CRACD: variants seen among roughly 807,000 people sequenced by gnomAD.
The protein encoded by CRACD is capping protein inhibiting regulator of actin dynamics.
A neutral mutation model predicts 106.8 loss-of-function variants in CRACD; 56 were observed. The observed-to-expected ratio is 0.52, with a 90% CI of 0.42 to 0.66. The LOEUF is 0.66. Among genes scored for constraint, CRACD ranks in the 30% least tolerant of loss-of-function variants. The pLI is 0.00. For synonymous variants in CRACD, 754 were observed against 670.8 expected (o/e 1.12, Z -1.92); for missense variants, 1,730 against 1,623.2 (o/e 1.07, Z -1.13).
chr4:56,173,827 C>T (rs556892372), intron 1 of CRACD, among the ~76,000 whole-genome samples: 1 of 152,296 alleles, frequency 6.6e-6, no homozygotes, highest in South Asian at 2.1e-4. Context: ...GTACGTTTTA[C>T]ATTCCTACCA....
intron 3 of CRACD, among the ~76,000 whole-genome samples, chr4:56,283,166 A>G (rs1429868401): frequency 6.6e-6 from 1 of 152,144 alleles, no homozygotes; most frequent in Non-Finnish European, 1.5e-5. Flanking sequence ...TCCCAGGACC[A>G]TGGGGTGTGA....
intron 1 of CRACD, among the ~76,000 whole-genome samples, chr4:56,121,206 A>G (rs1240459089): frequency 6.6e-6 from 1 of 152,228 alleles, no homozygotes. Flanking sequence ...ATAAATTTCA[A>G]TTGTAAAGAT....
intron 2 of CRACD, among the ~76,000 whole-genome samples, chr4:56,196,690 C>G (rs1448264678): frequency 6.6e-6 from 1 of 152,120 alleles, no homozygotes; most frequent in Non-Finnish European, 1.5e-5. Context: ...TACTATAATT[C>G]TATCATGCTT....
intron 2 of CRACD, among the ~76,000 whole-genome samples, chr4:56,199,043 T>G (rs1737752269): frequency 6.6e-6 from 1 of 152,124 alleles, no homozygotes; most frequent in Admixed American, 6.5e-5. Context: ...AGTGGCATTT[T>G]GGGGGCAGTC....
intron 1 of CRACD, among the ~76,000 whole-genome samples, chr4:56,107,613 G>T (rs1005885995): frequency 2.0e-5 from 3 of 152,162 alleles, no homozygotes; most frequent in South Asian, 4.1e-4. Flanking sequence ...CTACCCCATG[G>T]AGTGGCAATG....
chr4:56,183,793 A>G (rs1412974633), intron 2 of CRACD, among the ~76,000 whole-genome samples: 1 of 152,188 alleles, frequency 6.6e-6, no homozygotes, highest in Non-Finnish European at 1.5e-5. Context: ...TGACTGTGCC[A>G]TGTGGAAGTG....
At chr4:56,153,624 T>A (rs1183863203) in intron 1 of CRACD, among the ~76,000 whole-genome samples, 1 of 152,192 alleles carries the variant, frequency 6.6e-6, no homozygotes, top group Non-Finnish European at 1.5e-5. Context: ...GCATGTCACG[T>A]CCTTGCTTAA....
intron 2 of CRACD, among the ~76,000 whole-genome samples, chr4:56,254,745 G>C (rs1031621956): frequency 4.0e-5 from 6 of 151,742 alleles, no homozygotes; most frequent in African/African-American, 1.5e-4. Context: ...CATGGTTTGA[G>C]AATTTGACTT....
rs368631356 is a variant in CRACD, at chr4:56,315,366, C to T, written c.1864C>T (p.Leu622=). 137 of 1,613,610 alleles carry T rather than the reference C, an allele frequency of 8.5e-5. No homozygotes were observed. The African/African-American group carries it at 1.7e-3, about 20-fold the overall frequency. Residue 622 remains leucine, a synonymous_variant, in exon 8 of 11, where the codon CTG becomes TTG. Coordinates refer to ENST00000682029, the MANE Select transcript of CRACD (RefSeq NM_001393381.1). This position sits in a 1 kb window ranked among gnomAD's most constrained non-coding sequence, Gnocchi z 4.1. ...CAAGGACACCGCGTGCAAGTCCCTC[C>T]TGGGCTTGGAGGAGAAGAAGCACGC... The part of the protein sequence containing the change: ...QIKDTACKSL[L]GLEEKKHAEA...
intron 8 of CRACD, among the ~76,000 whole-genome samples, chr4:56,319,868 G>A (rs973467767): frequency 4.1e-4 from 62 of 152,014 alleles, no homozygotes; most frequent in Non-Finnish European, 7.2e-4. Context: ...TAATCCCCAT[G>A]TGCTTGTACT....
At chr4:56,096,024 G>C (rs1014033252) in intron 1 of CRACD, among the ~76,000 whole-genome samples, 4 of 152,200 alleles carry the variant, frequency 2.6e-5, no homozygotes, top group Non-Finnish European at 5.9e-5. Flanking sequence ...CTATTAGAAG[G>C]GTGGAGTTGG....
intron 2 of CRACD, among the ~76,000 whole-genome samples, chr4:56,237,217 A>G (rs972674084): frequency 2.0e-5 from 3 of 152,192 alleles, no homozygotes; most frequent in Non-Finnish European, 4.4e-5. Context: ...AGGGATATCT[A>G]TGATATATAT....
intron 2 of CRACD, among the ~76,000 whole-genome samples, chr4:56,209,317 T>C (rs1406065903): frequency 6.6e-6 from 1 of 152,152 alleles, no homozygotes; most frequent in Admixed American, 6.6e-5. Flanking sequence ...AACTTCAAAC[T>C]GGACAAACTT....
At position 56,190,088 on chromosome 4, in the gene CRACD, C is replaced by T. The variant is rs576670955; in HGVS notation, c.-189+10658C>T. On this transcript the variant is annotated intron_variant, in intron 2 of 10. Transcript: ENST00000682029. ...TGTGGTGTTTGGTTTTTTGTTCTTGCGATAGTTTGCTGAGAATGATGATTT... is the reference window on the plus strand; with the variant it reads ...TGTGGTGTTTGGTTTTTTGTTCTTGTGATAGTTTGCTGAGAATGATGATTT... Among the ~76,000 whole-genome samples the T allele has an allele frequency of 4.7e-5, 7 of 149,910 alleles. No homozygotes were observed. The East Asian group carries it at 1.0e-3, about 22-fold the overall frequency.
At chr4:56,262,825 A>G (rs181088770) in intron 2 of CRACD, among the ~76,000 whole-genome samples, 1 of 152,362 alleles carries the variant, frequency 6.6e-6, no homozygotes, top group East Asian at 1.9e-4. Flanking sequence ...TAATGTGAAT[A>G]CTGATGTTTT....
In CRACD at chr4:56,323,449, C is replaced by A; in HGVS notation, c.3260C>A (p.Pro1087Gln). ...KLTEKVETAQ[P>Q]LWITLALQKQ... ...ACAGAGAAAGTGGAAACTGCTCAGC[C>A]GCTGTGGATAACGTTAGCACTGCAA... is the stretch of plus-strand genomic sequence containing the variant. The change falls in exon 9 of 11, where the codon CCG becomes CAG. Residue 1087 changes from proline (P) to glutamine (Q), a missense_variant. Around this residue, in one of 5 missense-constraint regions of CRACD, gnomAD observed 1,620 missense variants for 1,481.6 expected, o/e 1.09. Coordinates refer to ENST00000682029, the MANE Select transcript of CRACD (RefSeq NM_001393381.1). The A allele has an allele frequency of 6.2e-7, 1 of 1,611,880 alleles. No homozygotes were observed. Among genetic ancestry groups the A allele is most frequent in the Non-Finnish European group, 8.5e-7 (1 of 1,179,360 alleles).
At chr4:56,150,126 A>G (rs1037295118) in intron 1 of CRACD, among the ~76,000 whole-genome samples, 2 of 152,308 alleles carry the variant, frequency 1.3e-5, no homozygotes, top group Non-Finnish European at 2.9e-5. Flanking sequence ...AATCAAAGTA[A>G]TACTTGCAAA....
At chr4:56,310,800 T>A (rs60121364) in intron 6 of CRACD, 66 bp downstream of exon 6, 2 of 703,714 alleles carry the variant, frequency 2.8e-6, no homozygotes, top group South Asian at 1.9e-5. Context: ...CCCCCCCCCT[T>A]TTTTTTTTTT....
intron 1 of CRACD, among the ~76,000 whole-genome samples, chr4:56,151,279 C>T (rs12186161): frequency 0.28 from 42,008 of 151,990 alleles, 6,018 homozygotes; most frequent in Non-Finnish European, 0.31. Context: ...GGATTACATG[C>T]GTGAGCCACC....
Sources: gnomAD v4.1 joint callset for allele counts (sites outside exome capture counted in the v4.1 genomes callset) on GRCh38, gnomAD v4.1.1 for gene constraint, gnomAD v4.1.1 regional missense constraint, Gnocchi (gnomAD v3.1) non-coding constraint, MANE v1.5 for transcripts, NCBI Gene and HGNC (gene_info 2026-07-23, HGNC 2026-07-21) for gene names.